Variants in ATG7 observed in about 807,000 individuals in gnomAD.
ATG7 encodes the protein ubiquitin-like modifier-activating enzyme ATG7.
A neutral mutation model predicts 82.4 loss-of-function variants in ATG7; 70 were observed. The ratio of observed to expected loss-of-function variants is 0.85; its 90% confidence interval spans 0.70 to 1.04. The LOEUF is 1.04. Among genes scored for constraint, ATG7 ranks in the 50% least tolerant of loss-of-function variants. ATG7 has a pLI of 0.00. For missense variants in ATG7, 792 were observed against 864.3 expected (o/e 0.92, Z 1.05); for synonymous variants, 287 against 313.0 (o/e 0.92, Z 0.88).
At chr3:11,318,050 A>G (rs968048650) in intron 9 of ATG7, among the ~76,000 whole-genome samples, 3 of 152,220 alleles carry the variant, frequency 2.0e-5, no homozygotes, top group African/African-American at 7.2e-5. Flanking sequence ...CACATGGTAG[A>G]TGCTCAATAT....
At chr3:11,484,237 C>A (rs1559720036) in intron 20 of ATG7, among the ~76,000 whole-genome samples, 1 of 152,020 alleles carries the variant, frequency 6.6e-6, no homozygotes, top group Non-Finnish European at 1.5e-5. Flanking sequence ...CTACCAAAAA[C>A]ACAAAAATCA....
chr3:11,515,938 G>C (rs1426184129), intron 20 of ATG7, among the ~76,000 whole-genome samples: 1 of 151,914 alleles, frequency 6.6e-6, no homozygotes, highest in Non-Finnish European at 1.5e-5. Flanking sequence ...TGATGGTTGG[G>C]TAGTGTGTGC....
chr3:11,500,257 C>T (rs2091223803), intron 20 of ATG7, among the ~76,000 whole-genome samples: 1 of 152,084 alleles, frequency 6.6e-6, no homozygotes, highest in Admixed American at 6.5e-5. Context: ...TGAATTCTAA[C>T]ATGTAGAATT....
chr3:11,328,517 A>T (rs918797126), intron 9 of ATG7, among the ~76,000 whole-genome samples: 10 of 152,354 alleles, frequency 6.6e-5, no homozygotes, highest in African/African-American at 2.4e-4. Flanking sequence ...TAGAAAAAAA[A>T]TGCTTCAATT....
intron 13 of ATG7, among the ~76,000 whole-genome samples, chr3:11,345,231 C>A (rs994282450): frequency 2.5e-4 from 38 of 151,950 alleles, no homozygotes; most frequent in Non-Finnish European, 2.9e-4. Flanking sequence ...CGGTTGAAAC[C>A]CCGTCTCTAC....
chr3:11,507,650 T>C (rs2091810485), intron 20 of ATG7, among the ~76,000 whole-genome samples: 1 of 152,220 alleles, frequency 6.6e-6, no homozygotes, highest in African/African-American at 2.4e-5. Flanking sequence ...TTTGTTTTTG[T>C]TTTTGTTTGT....
At chr3:11,536,968 C>T (rs967283524) in intron 20 of ATG7, among the ~76,000 whole-genome samples, 9 of 152,182 alleles carry the variant, frequency 5.9e-5, no homozygotes, top group Non-Finnish European at 1.2e-4. Flanking sequence ...CTCCATGTCT[C>T]CTGGTACTCC....
intron 20 of ATG7, among the ~76,000 whole-genome samples, chr3:11,525,594 G>A (rs1450962708): frequency 6.0e-5 from 8 of 133,550 alleles, no homozygotes; most frequent in African/African-American, 1.4e-4. Flanking sequence ...TTGCTCTGTC[G>A]CCCAGGCTGG....
chr3:11,575,099 T>C, the ATG7 span, among the ~76,000 whole-genome samples: 5 of 151,978 alleles, frequency 3.3e-5, no homozygotes, highest in Non-Finnish European at 2.9e-5. Flanking sequence ...GAAAAGTGGA[T>C]TGAGAGGTGG....
intron 20 of ATG7, among the ~76,000 whole-genome samples, chr3:11,542,036 G>A (rs367986710): frequency 1.3e-5 from 2 of 152,240 alleles, no homozygotes; most frequent in African/African-American, 2.4e-5. Context: ...CCTGGGGCCC[G>A]TGCCCTCCTC....
At chr3:11,395,919 G>A (rs1489885170) in intron 19 of ATG7, among the ~76,000 whole-genome samples, 4 of 119,020 alleles carry the variant, frequency 3.4e-5, no homozygotes, top group Non-Finnish European at 4.9e-5. Flanking sequence ...CAGCCTGGGC[G>A]ACAGAGCGAG....
At chr3:11,406,661 CTGG>C (rs1414680400) in intron 19 of ATG7, among the ~76,000 whole-genome samples, 4 of 152,154 alleles carry the variant, frequency 2.6e-5, no homozygotes, top group Admixed American at 6.5e-5. Context: ...TTCCACATGG[CTGG>C]GGAGGCCTCA....
At chr3:11,423,842 G>T (rs151013239) in intron 19 of ATG7, among the ~76,000 whole-genome samples, 1 of 152,026 alleles carries the variant, frequency 6.6e-6, no homozygotes, top group Admixed American at 6.6e-5. Context: ...TTAACCTTTT[G>T]ATCCTTATTC....
intron 20 of ATG7, among the ~76,000 whole-genome samples, chr3:11,472,988 T>G (rs998359007): frequency 1.3e-5 from 2 of 152,196 alleles, no homozygotes; most frequent in Non-Finnish European, 2.9e-5. Flanking sequence ...GAGCATACTT[T>G]CCTTTCACTT....
At chr3:11,279,379 T>C (rs1184644095) in intron 1 of ATG7, among the ~76,000 whole-genome samples, 1 of 152,226 alleles carries the variant, frequency 6.6e-6, no homozygotes, top group Non-Finnish European at 1.5e-5. Flanking sequence ...AGGGTTTCTA[T>C]AGGATATTCT....
At chr3:11,540,906 T>TTTG (rs2070756845) in intron 20 of ATG7, among the ~76,000 whole-genome samples, 1 of 52,710 alleles carries the variant, frequency 1.9e-5, no homozygotes, top group Admixed American at 2.4e-4. Flanking sequence ...TTAGCTTTTT[T>TTTG]TGGGGGGGGG....
intron 20 of ATG7, among the ~76,000 whole-genome samples, chr3:11,434,840 G>T (rs577876121): frequency 1.3e-4 from 20 of 152,258 alleles, no homozygotes; most frequent in African/African-American, 4.8e-4. Context: ...GCAAAGCAAA[G>T]ACAGCTAATA....
At chr3:11,453,418 G>A (rs1209304201) in intron 20 of ATG7, among the ~76,000 whole-genome samples, 1 of 152,142 alleles carries the variant, frequency 6.6e-6, no homozygotes, top group Non-Finnish European at 1.5e-5. Context: ...ATTATTTCCC[G>A]CCGTGGCTGT....
In ATG7 at chr3:11,549,889, C is replaced by G. The variant is rs188904961; in HGVS notation, c.2080-4922C>G. Among the ~76,000 whole-genome samples the G allele has an allele frequency of 2.0e-5, 3 of 152,224 alleles. 1 individual carries two copies. The highest frequency in any genetic ancestry group is 7.2e-5 in the African/African-American group (3 of 41,474). On this transcript the variant is annotated intron_variant, in intron 20 of 20. Coordinates refer to ENST00000693202, the MANE Select transcript of ATG7 (RefSeq NM_001349232.2). ...TCCTGCCCCACATCCTCACAGACAT[C>G]GGGCATCGCTGGCCTTTAGCTTCAG...
Sources: allele counts gnomAD v4.1 joint callset (sites outside exome capture counted in the v4.1 genomes callset), GRCh38; gene constraint gnomAD v4.1.1; transcripts MANE v1.5; gene names NCBI Gene and HGNC (gene_info 2026-07-23, HGNC 2026-07-21).